INPP4B: variants seen among roughly 807,000 people sequenced by gnomAD.
INPP4B encodes inositol polyphosphate-4-phosphatase type II B, also known as inositol polyphosphate 4-phosphatase type II.
Under a neutral mutation model 122.5 loss-of-function variants are expected in INPP4B, and 55 were observed. The observed-to-expected ratio is 0.45, with a 90% CI of 0.36 to 0.56. INPP4B has a LOEUF of 0.56. Ranked by LOEUF, INPP4B falls within the 20% of genes least tolerant of loss-of-function variation. INPP4B has a pLI of 0.00. For missense variants in INPP4B, 1,000 were observed against 1,097.7 expected, an observed-to-expected ratio of 0.91 and a Z score of 1.26; for synonymous variants, 403 against 388.7, an observed-to-expected ratio of 1.04 and a Z score of -0.43.
chr4:142,310,475 T>C (rs189137215), intron 8 of INPP4B, among the ~76,000 whole-genome samples: 259 of 152,316 alleles, frequency 1.7e-3, no homozygotes, highest in African/African-American at 6.2e-3. Context: ...TTTTGTGACA[T>C]ACATTATATC....
chr4:142,837,803 G>T (rs972106304), intron 1 of INPP4B, among the ~76,000 whole-genome samples: 1 of 152,032 alleles, frequency 6.6e-6, no homozygotes, highest in Admixed American at 6.6e-5. Flanking sequence ...CCTTTATCCA[G>T]CATATCACAT....
At chr4:142,660,932 C>T (rs1321448413) in intron 2 of INPP4B, 2 of 152,438 alleles carry the variant, frequency 1.3e-5, no homozygotes, top group South Asian at 2.1e-4. Context: ...AGTCTTCATC[C>T]TTATCCTTAA....
chr4:142,620,875 G>A (rs1319681786), intron 2 of INPP4B, among the ~76,000 whole-genome samples: 7 of 151,510 alleles, frequency 4.6e-5, no homozygotes, highest in Non-Finnish European at 1.0e-4. Context: ...ATAACCATTC[G>A]GGGAGTTTTT....
chr4:142,665,210 C>T (rs1317232563), intron 2 of INPP4B, among the ~76,000 whole-genome samples: 3 of 152,040 alleles, frequency 2.0e-5, no homozygotes, highest in African/African-American at 4.8e-5. Flanking sequence ...AAAATTATTC[C>T]GGCCAGGCAC....
At chr4:142,033,355 G>A (rs1741622634) in intron 25 of INPP4B, among the ~76,000 whole-genome samples, 1 of 152,108 alleles carries the variant, frequency 6.6e-6, no homozygotes, top group South Asian at 2.1e-4. Flanking sequence ...ATGGGCCAGT[G>A]GTCATTTCCA....
At chr4:142,652,711 G>A (rs939219024) in intron 2 of INPP4B, among the ~76,000 whole-genome samples, 4 of 152,172 alleles carry the variant, frequency 2.6e-5, no homozygotes, top group Admixed American at 6.6e-5. Context: ...CGAAATAAAA[G>A]AGGACACAAA....
At chr4:142,404,237 T>C (rs1802586054) in intron 6 of INPP4B, among the ~76,000 whole-genome samples, 1 of 152,174 alleles carries the variant, frequency 6.6e-6, no homozygotes. Flanking sequence ...ATTATAGAAA[T>C]GACTCCCGTT....
At chr4:142,098,382 T>C (rs941428297) in intron 23 of INPP4B, among the ~76,000 whole-genome samples, 2 of 151,790 alleles carry the variant, frequency 1.3e-5, no homozygotes, top group Non-Finnish European at 2.9e-5. Flanking sequence ...ACTAACAACA[T>C]TGGGGGTTAC....
At chr4:142,040,652 G>T (rs904060029) in intron 25 of INPP4B, among the ~76,000 whole-genome samples, 1 of 152,146 alleles carries the variant, frequency 6.6e-6, no homozygotes, top group Non-Finnish European at 1.5e-5. Flanking sequence ...TATAGATCTA[G>T]AACTCGTTTT....
intron 5 of INPP4B, among the ~76,000 whole-genome samples, chr4:142,425,453 G>A (rs541296100): frequency 7.3e-4 from 111 of 151,556 alleles, no homozygotes; most frequent in Non-Finnish European, 1.3e-3. Context: ...CCAGAACAAC[G>A]TATAACTTGG....
At chr4:142,069,261 A>T (rs1302545362) in intron 25 of INPP4B, among the ~76,000 whole-genome samples, 1 of 152,222 alleles carries the variant, frequency 6.6e-6, no homozygotes, top group East Asian at 1.9e-4. Context: ...GAAGGCAGAA[A>T]TAAAGATGTT....
intron 25 of INPP4B, among the ~76,000 whole-genome samples, chr4:142,078,815 T>A: frequency 6.6e-6 from 1 of 152,044 alleles, no homozygotes; most frequent in East Asian, 1.9e-4. Context: ...CTTGGTGAAT[T>A]TTTAAGAAAT....
intron 1 of INPP4B, among the ~76,000 whole-genome samples, chr4:142,820,820 C>A (rs916071972): frequency 6.6e-6 from 1 of 152,038 alleles, no homozygotes; most frequent in African/African-American, 2.4e-5. Context: ...TATGTATAAT[C>A]AGTTGGCTTG....
At chr4:142,109,591 T>C (rs1788961930) in intron 22 of INPP4B, among the ~76,000 whole-genome samples, 1 of 152,160 alleles carries the variant, frequency 6.6e-6, no homozygotes, top group African/African-American at 2.4e-5. Flanking sequence ...TTCTATCCAC[T>C]CTTGACTTGA....
intron 3 of INPP4B, among the ~76,000 whole-genome samples, chr4:142,443,565 A>T (rs534926174): frequency 1.6e-4 from 25 of 152,186 alleles, no homozygotes; most frequent in African/African-American, 6.0e-4. Flanking sequence ...ACCCAAGAAC[A>T]TCGGGCCTGT....
At chr4:142,471,627 A>G (rs774349632) in intron 2 of INPP4B, among the ~76,000 whole-genome samples, 11 of 152,224 alleles carry the variant, frequency 7.2e-5, no homozygotes, top group Non-Finnish European at 1.5e-4. Context: ...CTGTCAAGAC[A>G]GTGGGGGCAG....
At chr4:142,221,563 T>G (rs1849405530) in intron 12 of INPP4B, among the ~76,000 whole-genome samples, 1 of 152,020 alleles carries the variant, frequency 6.6e-6, no homozygotes, top group East Asian at 1.9e-4. Flanking sequence ...ATGCCAGCCT[T>G]TTCGTTTTTC....
At chr4:142,824,989 G>C (rs552209910) in intron 1 of INPP4B, among the ~76,000 whole-genome samples, 250 of 152,032 alleles carry the variant, frequency 1.6e-3, no homozygotes, top group African/African-American at 5.9e-3. Context: ...AAATATACTG[G>C]AGGAGAAAAA....
chr4:142,661,546 CCTGCAA>C lies in INPP4B; in HGVS notation c.-191+64287_-191+64292del, dbSNP rs1755168827. Among the ~76,000 whole-genome samples, 5 of 152,146 alleles carry C rather than the reference CCTGCAA, an allele frequency of 3.3e-5. No individual in the cohort carries two copies. In the South Asian group the frequency reaches 8.3e-4, roughly 25 times the overall value. ...TAGGTAATGTTTGAGAGTTTCTCCA[CCTGCAA>C]TATTGTATCTTTTATAATAGTTAAA... On this transcript the variant is annotated intron_variant, in intron 2 of 25. Transcript: ENST00000262992.
Sources: gnomAD v4.1 joint callset for allele counts (sites outside exome capture counted in the v4.1 genomes callset) on GRCh38, gnomAD v4.1.1 for gene constraint, MANE v1.5 for transcripts, NCBI Gene and HGNC (gene_info 2026-07-23, HGNC 2026-07-21) for gene names.